Variants in CRB1 observed in about 807,000 individuals in gnomAD.
The protein encoded by CRB1 is protein crumbs homolog 1.
A neutral mutation model predicts 120.0 loss-of-function variants in CRB1; 83 were observed. That is an observed-to-expected ratio of 0.69 (90% CI 0.58 to 0.83). The LOEUF is 0.83. CRB1 is among the 40% of genes least tolerant of loss of function. CRB1 has a pLI of 0.00. For synonymous variants in CRB1, 625 were observed against 612.5 expected (o/e 1.02, Z -0.30); for missense variants, 1,699 against 1,687.6 (o/e 1.01, Z -0.12).
At chr1:197,357,228 A>T (rs1660534944) in intron 5 of CRB1, 1 of 619,582 alleles carries the variant, frequency 1.6e-6, no homozygotes, top group African/African-American at 1.8e-5. Context: ...TAAAGGAGGA[A>T]TGAAAGGGAT....
At chr1:197,306,023 G>A (rs77935073) in intron 1 of CRB1, among the ~76,000 whole-genome samples, 5,888 of 152,150 alleles carry the variant, frequency 0.039, 158 homozygotes, top group Non-Finnish European at 0.06. Flanking sequence ...GATAGGTGGG[G>A]AAAAGGAAGT....
chr1:197,333,043 C>T (rs1658955222), intron 2 of CRB1, among the ~76,000 whole-genome samples: 1 of 152,204 alleles, frequency 6.6e-6, no homozygotes, highest in Non-Finnish European at 1.5e-5. Context: ...AATGACCTAG[C>T]TGCTGTGCAC....
At chr1:197,207,691 G>T in the CRB1 span, among the ~76,000 whole-genome samples, 4 of 152,052 alleles carry the variant, frequency 2.6e-5, no homozygotes, top group African/African-American at 9.7e-5. Flanking sequence ...ATGACTATGT[G>T]CCTAGGTGAT....
intron 11 of CRB1, among the ~76,000 whole-genome samples, chr1:197,451,918 G>GA (rs1558150697): frequency 6.6e-6 from 1 of 152,132 alleles, no homozygotes; most frequent in African/African-American, 2.4e-5. Context: ...TGAATCATAT[G>GA]AACTTGCAAA....
chr1:197,202,942 CCT>C, the CRB1 span, among the ~76,000 whole-genome samples: 2 of 151,182 alleles, frequency 1.3e-5, no homozygotes, highest in Non-Finnish European at 2.9e-5. Flanking sequence ...AAATCGTAGA[CCT>C]ACAAGTGATG....
the CRB1 span, among the ~76,000 whole-genome samples, chr1:197,238,430 CT>C: frequency 2.0e-5 from 3 of 152,168 alleles, no homozygotes; most frequent in Admixed American, 6.5e-5. Flanking sequence ...TATTATTCTG[CT>C]TTTTTCCCTT....
At chr1:197,235,260 G>T in the CRB1 span, among the ~76,000 whole-genome samples, 1 of 152,098 alleles carries the variant, frequency 6.6e-6, no homozygotes, top group Non-Finnish European at 1.5e-5. Context: ...TTCAAAGGGG[G>T]AATGCTTCCA....
the CRB1 span, among the ~76,000 whole-genome samples, chr1:197,220,884 G>A: frequency 1.3e-5 from 2 of 152,062 alleles, no homozygotes; most frequent in Non-Finnish European, 2.9e-5. Flanking sequence ...AGTTTCCTGA[G>A]GCTTCCCACT....
chr1:197,249,669 A>G, the CRB1 span, among the ~76,000 whole-genome samples: 42,035 of 151,792 alleles, frequency 0.28, 7,170 homozygotes, highest in African/African-American at 0.49. Flanking sequence ...TTTCTTGTTA[A>G]AATAAAACTA....
chr1:197,320,623 G>C (rs372427515), intron 1 of CRB1, among the ~76,000 whole-genome samples: 18 of 152,194 alleles, frequency 1.2e-4, no homozygotes, highest in African/African-American at 4.1e-4. Context: ...AAGATGGAAG[G>C]CTTAAATTTA....
chr1:197,215,923 A>C, the CRB1 span, among the ~76,000 whole-genome samples: 1 of 152,330 alleles, frequency 6.6e-6, no homozygotes, highest in South Asian at 2.1e-4. Context: ...AATTTAATCT[A>C]TTGGAACATA....
chr1:197,347,603 ATT>A, intron 4 of CRB1, 124 bp downstream of exon 4: 2 of 1,066,154 alleles, frequency 1.9e-6, no homozygotes, highest in South Asian at 3.0e-5. Context: ...TCTAGCTAAT[ATT>A]GTTTAGTTTT....
intron 11 of CRB1, among the ~76,000 whole-genome samples, chr1:197,458,567 C>A (rs60311243): frequency 0.036 from 5,406 of 152,090 alleles, 331 homozygotes; most frequent in African/African-American, 0.12. Context: ...GGCAGGAAAT[C>A]CAATGTTCTG....
At chr1:197,383,194 G>C (rs1662044101) in intron 5 of CRB1, among the ~76,000 whole-genome samples, 1 of 152,054 alleles carries the variant, frequency 6.6e-6, no homozygotes, top group African/African-American at 2.4e-5. Flanking sequence ...TGGCTTGTAG[G>C]ATCTTTTAGT....
the CRB1 span, among the ~76,000 whole-genome samples, chr1:197,230,607 T>C: frequency 6.6e-6 from 1 of 152,200 alleles, no homozygotes; most frequent in Non-Finnish European, 1.5e-5. Flanking sequence ...CACTTCTGGT[T>C]GCTCTTGCAG....
intron 5 of CRB1, among the ~76,000 whole-genome samples, chr1:197,381,181 C>T (rs1661936385): frequency 6.6e-6 from 1 of 152,126 alleles, no homozygotes; most frequent in East Asian, 1.9e-4. Context: ...TAAATGGGTT[C>T]CTCATTCTGG....
intron 4 of CRB1, among the ~76,000 whole-genome samples, chr1:197,350,106 C>CA (rs551040523): frequency 0.16 from 10,306 of 65,098 alleles, 1,139 homozygotes; most frequent in African/African-American, 0.35. Flanking sequence ...GACTCCGTCT[C>CA]AAAAAAAAAA....
the CRB1 span, among the ~76,000 whole-genome samples, chr1:197,224,674 C>T: frequency 6.6e-6 from 1 of 151,946 alleles, no homozygotes; most frequent in Admixed American, 6.6e-5. Flanking sequence ...ACTTTCTTGG[C>T]TATTAATACT....
intron 11 of CRB1, among the ~76,000 whole-genome samples, chr1:197,468,789 G>A (rs1003649197): frequency 6.6e-6 from 1 of 152,228 alleles, no homozygotes; most frequent in Non-Finnish European, 1.5e-5. Flanking sequence ...TGCTGTGTAA[G>A]AGTTACAGGT....
Sources: allele counts gnomAD v4.1 joint callset (sites outside exome capture counted in the v4.1 genomes callset), GRCh38; gene constraint gnomAD v4.1.1; transcripts MANE v1.5; gene names NCBI Gene and HGNC (gene_info 2026-07-23, HGNC 2026-07-21).